Variants in GCNT2 observed in about 807,000 individuals in gnomAD.
The protein encoded by GCNT2 is glucosaminyl (N-acetyl) transferase 2 (I blood group), also known as N-acetyllactosaminide beta-1,6-N-acetylglucosaminyl-transferase.
A neutral mutation model predicts 34.2 loss-of-function variants in GCNT2; 34 were observed. That is an observed-to-expected ratio of 1.00 (90% CI 0.76 to 1.32). The LOEUF (loss-of-function observed/expected upper bound fraction) is 1.32. GCNT2 is among the 40% of genes most tolerant of loss of function. The pLI is 0.00. For synonymous variants in GCNT2, 212 were observed against 188.0 expected (o/e 1.13, Z -1.04); for missense variants, 584 against 489.4 (o/e 1.19, Z -1.82).
chr6:10,536,516 G>A (rs1398576576), intron 3 of GCNT2, among the ~76,000 whole-genome samples: 4 of 150,694 alleles, frequency 2.7e-5, no homozygotes, highest in East Asian at 2.0e-4. Flanking sequence ...CACTGTGCCC[G>A]GCTAATTTTT....
intron 3 of GCNT2, among the ~76,000 whole-genome samples, chr6:10,546,397 G>T (rs1469493462): frequency 1.3e-5 from 2 of 152,166 alleles, no homozygotes; most frequent in African/African-American, 4.8e-5. Context: ...GGTGGCTGAT[G>T]ACTGTAATCC....
chr6:10,562,439 T>C (rs1763029179), intron 3 of GCNT2, among the ~76,000 whole-genome samples: 1 of 152,008 alleles, frequency 6.6e-6, no homozygotes, highest in Non-Finnish European at 1.5e-5. Flanking sequence ...CATCCCTGGT[T>C]GGGCACGGTG....
chr6:10,626,465 G>A lies in GCNT2; in HGVS notation c.1067G>A (p.Trp356Ter). The A allele has an allele frequency of 6.2e-7, 1 of 1,613,714 alleles. No individual in the cohort carries two copies. The highest frequency in any genetic ancestry group is 8.5e-7 in the Non-Finnish European group (1 of 1,179,654). The change falls in exon 5 of 5, where the codon TGG (tryptophan) becomes TAG (stop). Residue 356 changes from tryptophan (W) to a stop codon, truncating the protein, a stop_gained. Coordinates refer to ENST00000495262, the MANE Select transcript of GCNT2 (RefSeq NM_145649.5). LOFTEE classifies it high-confidence loss of function. ...ICIYGNGDLK[W>*]LVNSPSLFAN... ...ATCTATGGAAACGGAGACTTAAAGT[G>A]GCTGGTTAATTCACCAAGCCTGTTT...
At chr6:10,596,148 CTTTG>C (rs1468665239) in intron 3 of GCNT2, among the ~76,000 whole-genome samples, 2 of 152,212 alleles carry the variant, frequency 1.3e-5, no homozygotes. Context: ...TTTTCTTTTT[CTTTG>C]TTTTTCAGCA....
At chr6:10,564,368 G>T (rs906962678) in intron 3 of GCNT2, among the ~76,000 whole-genome samples, 1 of 152,140 alleles carries the variant, frequency 6.6e-6, no homozygotes, top group Non-Finnish European at 1.5e-5. Context: ...CTCTGAATTT[G>T]ACACCATTCT....
At chr6:10,623,534 C>T (rs1342872091) in intron 4 of GCNT2, among the ~76,000 whole-genome samples, 3 of 152,134 alleles carry the variant, frequency 2.0e-5, no homozygotes, top group Non-Finnish European at 1.5e-5. Flanking sequence ...TTATGATCCA[C>T]CTGCGTCGGC....
At chr6:10,526,148 G>A (rs964098528) in intron 1 of GCNT2, among the ~76,000 whole-genome samples, 3 of 152,104 alleles carry the variant, frequency 2.0e-5, no homozygotes, top group Non-Finnish European at 2.9e-5. Context: ...GTTCTGTATT[G>A]AAGAAGTGAT....
intron 3 of GCNT2, among the ~76,000 whole-genome samples, chr6:10,602,571 G>A (rs555342175): frequency 4.6e-5 from 7 of 152,258 alleles, no homozygotes; most frequent in South Asian, 2.1e-4. Flanking sequence ...TATATATACT[G>A]TAGTACATGC....
At chr6:10,605,677 C>A (rs936450160) in intron 3 of GCNT2, among the ~76,000 whole-genome samples, 1 of 152,058 alleles carries the variant, frequency 6.6e-6, no homozygotes, top group African/African-American at 2.4e-5. Flanking sequence ...AAGCTAGCGT[C>A]AGGGATAAAA....
chr6:10,594,275 A>G (rs1046576327), intron 3 of GCNT2, among the ~76,000 whole-genome samples: 3 of 152,224 alleles, frequency 2.0e-5, no homozygotes, highest in African/African-American at 7.2e-5. Context: ...AGACTGGCAC[A>G]TGTATAGATT....
At chr6:10,617,902 G>A (rs1009118271) in intron 3 of GCNT2, among the ~76,000 whole-genome samples, 4 of 151,804 alleles carry the variant, frequency 2.6e-5, no homozygotes, top group African/African-American at 9.7e-5. Context: ...CTACAGGTGC[G>A]TGCCATCACA....
At chr6:10,580,536 G>A (rs1764025867) in intron 3 of GCNT2, among the ~76,000 whole-genome samples, 1 of 151,918 alleles carries the variant, frequency 6.6e-6, no homozygotes, top group African/African-American at 2.4e-5. Context: ...TGCCAGCCAG[G>A]CACAACTAAA....
chr6:10,536,062 A>AT (rs113431559), intron 3 of GCNT2, among the ~76,000 whole-genome samples: 3,299 of 152,210 alleles, frequency 0.022, 121 homozygotes, highest in African/African-American at 0.074. Context: ...TAAAAATGCA[A>AT]TGCTGAGGTT....
At chr6:10,552,678 A>G (rs1762534574) in intron 3 of GCNT2, among the ~76,000 whole-genome samples, 2 of 152,192 alleles carry the variant, frequency 1.3e-5, no homozygotes, top group African/African-American at 4.8e-5. Flanking sequence ...TGGACTTTGT[A>G]TCCTCAGAGG....
chr6:10,621,885 T>C (rs934091975), intron 4 of GCNT2, among the ~76,000 whole-genome samples: 1 of 152,092 alleles, frequency 6.6e-6, no homozygotes, highest in Non-Finnish European at 1.5e-5. Flanking sequence ...TTTTTTTTTC[T>C]TGTAGAGTCA....
chr6:10,613,886 G>A (rs905096433), intron 3 of GCNT2, among the ~76,000 whole-genome samples: 1 of 152,114 alleles, frequency 6.6e-6, no homozygotes, highest in African/African-American at 2.4e-5. Context: ...GAATGAGAAC[G>A]GAAGTTCCCT....
chr6:10,580,835 G>A (rs1281808773), intron 3 of GCNT2, among the ~76,000 whole-genome samples: 1 of 152,146 alleles, frequency 6.6e-6, no homozygotes, highest in Non-Finnish European at 1.5e-5. Flanking sequence ...TGCTCAGAGG[G>A]CCCCGCAGGC....
At chr6:10,557,182 C>G (rs374053208) in intron 3 of GCNT2, 10 of 1,553,374 alleles carry the variant, frequency 6.4e-6, no homozygotes, top group African/African-American at 2.8e-5. Context: ...CGCCTCCCCC[C>G]CATAATCTCA....
At chr6:10,545,049 A>G (rs77571968) in intron 3 of GCNT2, among the ~76,000 whole-genome samples, 12,024 of 152,260 alleles carry the variant, frequency 0.079, 608 homozygotes, top group Middle Eastern at 0.16. Flanking sequence ...TGTAGTTACT[A>G]TGATTAGATT....
Sources: allele counts gnomAD v4.1 joint callset (sites outside exome capture counted in the v4.1 genomes callset), GRCh38; gene constraint gnomAD v4.1.1; transcripts MANE v1.5; gene names NCBI Gene and HGNC (gene_info 2026-07-23, HGNC 2026-07-21).